The following BCAS2 variants were observed in gnomAD, a reference collection of about 807,000 sequenced individuals.
BCAS2 encodes the protein pre-mRNA-splicing factor SPF27.
In BCAS2, 34 loss-of-function variants were observed where a neutral mutation model predicts 35.3. The observed-to-expected ratio is 0.96, with a 90% CI of 0.73 to 1.28. The LOEUF (loss-of-function observed/expected upper bound fraction) is 1.28. BCAS2 is among the 50% of genes most tolerant of loss of function. BCAS2 has a pLI of 0.00. For synonymous variants in BCAS2, 75 were observed against 91.6 expected (o/e 0.82, Z 1.03); for missense variants, 221 against 268.1 (o/e 0.82, Z 1.23).
rs1654746303 is a variant in BCAS2 at position 114,575,710 on chromosome 1, A to G, written c.299T>C (p.Ile100Thr). 6.2e-7 allele frequency: 1 copy of G among 1,613,166 alleles called. No individual in the cohort carries two copies. ...GTTTACACATTCTTGCCATGCAGTA[A>G]TGTCATTTTTTTGACCAGAGGAGGG... is the stretch of plus-strand genomic sequence containing the variant. ...PAPSSGQKND[I>T]TAWQECVNNS... The change falls in exon 4 of 7, where the codon ATT becomes ACT. Residue 100 changes from isoleucine to threonine, a missense_variant. Ile to Thr is a moderately conservative substitution (Grantham distance 89). Transcript: ENST00000369541.
intron 5 of BCAS2, 86 bp downstream of exon 5, chr1:114,570,614 A>C (rs1458887004): frequency 1.1e-6 from 1 of 906,492 alleles, no homozygotes. Flanking sequence ...ATCTGGCTGC[A>C]GTCTCTTTGC....
chr1:114,576,259 A>G (rs914961954), intron 3 of BCAS2, among the ~76,000 whole-genome samples: 2 of 148,980 alleles, frequency 1.3e-5, no homozygotes, highest in Admixed American at 1.3e-4. Context: ...ATATATATAT[A>G]TATATAGTTT....
chr1:114,577,918 C>A (rs180845146), intron 2 of BCAS2, among the ~76,000 whole-genome samples: 79 of 152,318 alleles, frequency 5.2e-4, no homozygotes, highest in African/African-American at 1.6e-3. Context: ...TTAGGCCGGG[C>A]GAGGTGGCTC....
chr1:114,578,373 G>A (rs1654818311), intron 2 of BCAS2, among the ~76,000 whole-genome samples: 1 of 151,762 alleles, frequency 6.6e-6, no homozygotes, highest in Non-Finnish European at 1.5e-5. Context: ...AGAAAATTCT[G>A]CAGTGACAGA....
In BCAS2 at chr1:114,567,924, T is replaced by C. The variant is rs1654559237; in HGVS notation, c.*206A>G. The C allele has an allele frequency of 5.4e-6, 3 of 553,320 alleles. No individual in the cohort carries two copies. The highest frequency in any genetic ancestry group is 9.0e-6 in the Non-Finnish European group (3 of 334,106). 34.3% of individuals were successfully genotyped at this position (553,320 alleles called of 1,614,324 possible). A position where few individuals can be genotyped will look rare whatever the true frequency, so the allele number is the denominator to read the frequency against. On this transcript the variant is annotated 3_prime_UTR_variant, in exon 7 of 7. Transcript: ENST00000369541. Reference sequence around the variant, plus strand: ...TTGAAAGCCTAAAGATTTTCTTTTATGGCTATAAAAATACCACCAAGCTAG... The same window carrying C: ...TTGAAAGCCTAAAGATTTTCTTTTACGGCTATAAAAATACCACCAAGCTAG...
intron 4 of BCAS2, 104 bp from the exon 5 acceptor site, chr1:114,570,854 G>C: frequency 1.2e-6 from 1 of 805,340 alleles, no homozygotes; most frequent in South Asian, 1.5e-5. Context: ...ATGGAGCTCT[G>C]TGCCAAGAAC....
At chr1:114,577,748 T>A (rs190002467) in intron 2 of BCAS2, among the ~76,000 whole-genome samples, 1 of 152,372 alleles carries the variant, frequency 6.6e-6, no homozygotes, top group Non-Finnish European at 1.5e-5. Context: ...GCACATTTCC[T>A]ACCCTGAGGA....
intron 4 of BCAS2, among the ~76,000 whole-genome samples, 194 bp from the exon 5 acceptor site, chr1:114,570,944 C>G (rs1654626896): frequency 6.6e-6 from 1 of 152,196 alleles, no homozygotes; most frequent in Admixed American, 6.5e-5. Flanking sequence ...GCAGCCTTCA[C>G]CTCCCATGAT....
intron 4 of BCAS2, among the ~76,000 whole-genome samples, chr1:114,571,649 G>A (rs185496690): frequency 4.5e-4 from 68 of 152,230 alleles, no homozygotes; most frequent in Non-Finnish European, 5.4e-4. Flanking sequence ...TGAGCCACAC[G>A]GCCTTTTGTC....
chr1:114,579,307 C>T (rs1465813283), intron 2 of BCAS2, among the ~76,000 whole-genome samples: 1 of 152,030 alleles, frequency 6.6e-6, no homozygotes, highest in Non-Finnish European at 1.5e-5. Context: ...AAACTAATTA[C>T]AGGAGAATCA....
chr1:114,576,782 A>G (rs1460441990), intron 2 of BCAS2, 24 bp from the exon 3 acceptor site: 1 of 1,565,916 alleles, frequency 6.4e-7, no homozygotes, highest in Non-Finnish European at 8.7e-7. Context: ...CAGAAAAAAG[A>G]TTTCTAAGAT....
chr1:114,571,181 A>G (rs1203503632), intron 4 of BCAS2, among the ~76,000 whole-genome samples: 1 of 151,876 alleles, frequency 6.6e-6, no homozygotes, highest in African/African-American at 2.4e-5. Context: ...CAGCCTCCCA[A>G]GTAGCTGGGA....
chr1:114,575,809 C>T (rs906034368), intron 3 of BCAS2, 58 bp from the exon 4 acceptor site: 1 of 1,558,496 alleles, frequency 6.4e-7, no homozygotes, highest in Admixed American at 2.0e-5. Context: ...CTTTACATCT[C>T]TTCTCAGTAG....
At chr1:114,577,460 G>C (rs771859867) in intron 2 of BCAS2, among the ~76,000 whole-genome samples, 1 of 151,970 alleles carries the variant, frequency 6.6e-6, no homozygotes, top group Non-Finnish European at 1.5e-5. Flanking sequence ...TCTGCCTCCC[G>C]GGTTCAAGCG....
At chr1:114,574,377 A>T (rs1654711098) in intron 4 of BCAS2, among the ~76,000 whole-genome samples, 1 of 152,238 alleles carries the variant, frequency 6.6e-6, no homozygotes, top group African/African-American at 2.4e-5. Flanking sequence ...CAAGTCTGGG[A>T]TCTGTTAGTG....
chr1:114,579,474 T>C (rs1252592231), intron 2 of BCAS2, among the ~76,000 whole-genome samples: 4 of 152,236 alleles, frequency 2.6e-5, no homozygotes, highest in Admixed American at 2.6e-4. Flanking sequence ...GAAGCATTAC[T>C]GTACTTAGTT....
intron 2 of BCAS2, among the ~76,000 whole-genome samples, chr1:114,579,678 C>A (rs1654842304): frequency 1.3e-5 from 2 of 152,098 alleles, no homozygotes; most frequent in South Asian, 4.1e-4. Flanking sequence ...CCAGCCTGGC[C>A]AACATGGTAA....
chr1:114,576,788 A>G (rs780941728), intron 2 of BCAS2, 30 bp from the exon 3 acceptor site: 1 of 1,546,388 alleles, frequency 6.5e-7, no homozygotes, highest in African/African-American at 1.4e-5. Context: ...AAAGATTTCT[A>G]AGATCATGTT....
chr1:114,573,476 T>G (rs1316019528), intron 4 of BCAS2, among the ~76,000 whole-genome samples: 1 of 152,120 alleles, frequency 6.6e-6, no homozygotes, highest in Non-Finnish European at 1.5e-5. Context: ...CAAGTGATCC[T>G]CCTGTCTCAG....
Sources: allele counts gnomAD v4.1 joint callset (sites outside exome capture counted in the v4.1 genomes callset), GRCh38; gene constraint gnomAD v4.1.1; transcripts MANE v1.5; gene names NCBI Gene and HGNC (gene_info 2026-07-23, HGNC 2026-07-21).